The following TBC1D30 variants were observed in gnomAD, a reference collection of about 807,000 sequenced individuals.
TBC1D30 encodes the protein TBC1 domain family member 30, also known as TBC1 domain family, member 30.
TBC1D30 carries 31 observed loss-of-function variants against 63.2 expected under a neutral mutation model. That is an observed-to-expected ratio of 0.49 (90% CI 0.37 to 0.66). The LOEUF is 0.66. Ranked by LOEUF, TBC1D30 falls within the 30% of genes least tolerant of loss-of-function variation. TBC1D30 has a pLI of 0.00. For missense variants in TBC1D30, 810 were observed against 953.6 expected (o/e 0.85, Z 1.98); for synonymous variants, 307 against 361.5 (o/e 0.85, Z 1.71).
intron 2 of TBC1D30, among the ~76,000 whole-genome samples, chr12:64,792,135 TAAAC>T (rs1226060375): frequency 6.6e-6 from 1 of 152,190 alleles, no homozygotes; most frequent in Non-Finnish European, 1.5e-5. Context: ...GAATGTATCA[TAAAC>T]AAGAGAATGT....
At position 64,865,948 on chromosome 12, in the gene TBC1D30, C is replaced by T. The variant is rs150301232; in HGVS notation, c.1152-816C>T. On this transcript the variant is annotated intron_variant, in intron 9 of 11. Coordinates refer to ENST00000539867, the MANE Select transcript of TBC1D30 (RefSeq NM_015279.2). ...GCAGTGGTACAATCATGGCATACTG[C>T]GGCCTTAACCTTCCAGGCTCAAGTG... is the stretch of plus-strand genomic sequence containing the variant. Among the ~76,000 whole-genome samples, 222 of 152,272 alleles carry T rather than the reference C, an allele frequency of 1.5e-3. 6 individuals are homozygous for T. The highest frequency in any genetic ancestry group is 1.5e-3 in the South Asian group (7 of 4,826).
chr12:64,845,241 G>A (rs1876258799), intron 8 of TBC1D30, among the ~76,000 whole-genome samples: 1 of 152,082 alleles, frequency 6.6e-6, no homozygotes, highest in Admixed American at 6.5e-5. Context: ...CACCAACAGT[G>A]TACAAGGGTT....
chr12:64,826,492 C>T (rs904672268), intron 1 of TBC1D30, among the ~76,000 whole-genome samples: 1 of 152,116 alleles, frequency 6.6e-6, no homozygotes, highest in Non-Finnish European at 1.5e-5. Context: ...CATGATTATA[C>T]GCTCCTCCAT....
chr12:64,859,137 C>T (rs192494579), intron 8 of TBC1D30, among the ~76,000 whole-genome samples: 21 of 150,798 alleles, frequency 1.4e-4, no homozygotes, highest in African/African-American at 4.9e-4. Context: ...GTTGTGTGTG[C>T]GTTTGTGTGT....
chr12:64,839,340 C>T (rs1875639221), intron 7 of TBC1D30, among the ~76,000 whole-genome samples: 1 of 152,180 alleles, frequency 6.6e-6, no homozygotes, highest in South Asian at 2.1e-4. Context: ...AATTAATTCT[C>T]TGTTGGAATC....
chr12:64,821,823 T>G (rs1470512984), upstream of TBC1D30, among the ~76,000 whole-genome samples: 3 of 152,216 alleles, frequency 2.0e-5, no homozygotes, highest in South Asian at 6.2e-4. Flanking sequence ...GTACCGGAGC[T>G]CGCAGCAAAA....
In TBC1D30 at chr12:64,879,222, C is replaced by T. The variant is rs1320214998; in HGVS notation, c.*3434C>T. ...TTATCTACAAAAAAGTTATGTTGAACATGGTAGTTTAAGCTGTCTTTCTGG... is the reference window on the plus strand; with the variant it reads ...TTATCTACAAAAAAGTTATGTTGAATATGGTAGTTTAAGCTGTCTTTCTGG... On this transcript the variant is annotated 3_prime_UTR_variant, in exon 12 of 12. Transcript: ENST00000539867. The T allele has an allele frequency of 6.6e-6, 1 of 152,172 alleles. No individual in the cohort carries two copies. Among genetic ancestry groups the T allele is most frequent in the Non-Finnish European group, 1.5e-5 (1 of 68,022 alleles). 9.4% of individuals were successfully genotyped at this position (152,172 alleles called of 1,614,324 possible).
rs1870908766 is a variant in TBC1D30 at position 64,771,622 on chromosome 12, G to C, written c.-376+11973G>C. 2.0e-5 allele frequency among the ~76,000 whole-genome samples: 3 copies of C among 152,300 alleles called. No individual in the cohort carries two copies. The South Asian group carries it at 6.2e-4, about 32-fold the overall frequency. On this transcript the variant is annotated intron_variant, in intron 1 of 13. Transcript: ENST00000674237. ...TCACGTCCAAGGGCCTGTATGACCA[G>C]CTGAAGGAGGAGGAAAAAGCCCCAA...
chr12:64,797,204 T>C (rs1872332049), intron 2 of TBC1D30, among the ~76,000 whole-genome samples: 1 of 152,198 alleles, frequency 6.6e-6, no homozygotes, highest in African/African-American at 2.4e-5. Flanking sequence ...CTCCCTGGGC[T>C]ATTCTAATGT....
chr12:64,856,070 G>T (rs1474306022), intron 8 of TBC1D30, among the ~76,000 whole-genome samples: 2 of 151,854 alleles, frequency 1.3e-5, no homozygotes, highest in African/African-American at 4.8e-5. Flanking sequence ...CATCTGCTTG[G>T]CTTCTGTGGA....
intron 8 of TBC1D30, among the ~76,000 whole-genome samples, chr12:64,845,172 A>G (rs1876253224): frequency 6.6e-6 from 1 of 152,036 alleles, no homozygotes; most frequent in African/African-American, 2.4e-5. Context: ...CTCTAATTTT[A>G]GTTTTTTTTG....
chr12:64,858,128 T>C (rs1877468039), intron 8 of TBC1D30, among the ~76,000 whole-genome samples: 1 of 152,224 alleles, frequency 6.6e-6, no homozygotes, highest in Non-Finnish European at 1.5e-5. Flanking sequence ...TTGTTAAAAT[T>C]TGGTGTTGCA....
At chr12:64,795,116 C>T (rs1415961807) in intron 2 of TBC1D30, among the ~76,000 whole-genome samples, 1 of 152,144 alleles carries the variant, frequency 6.6e-6, no homozygotes, top group African/African-American at 2.4e-5. Context: ...GGCTCCCTGG[C>T]AGGGCTTATT....
chr12:64,855,719 C>T (rs12310247), intron 8 of TBC1D30, among the ~76,000 whole-genome samples: 5,462 of 152,208 alleles, frequency 0.036, 325 homozygotes, highest in African/African-American at 0.12. Context: ...TGAATTCCTT[C>T]TCTGTGTTAT....
At chr12:64,765,490 C>CAAAAAAAAAAAAAAAAAAAAAA (rs60489979) in intron 1 of TBC1D30, among the ~76,000 whole-genome samples, 1 of 17,600 alleles carries the variant, frequency 5.7e-5, no homozygotes, top group African/African-American at 1.5e-4. Flanking sequence ...AGACTGTCTC[C>CAAAAAAAAAAAAAAAAAAAAAA]AAAAAAAAAA....
At chr12:64,866,033 A>C (rs1018308703) in intron 9 of TBC1D30, among the ~76,000 whole-genome samples, 1 of 152,094 alleles carries the variant, frequency 6.6e-6, no homozygotes, top group Non-Finnish European at 1.5e-5. Context: ...CCGTGCCTGG[A>C]TAATTTTTAA....
intron 6 of TBC1D30, 78 bp downstream of exon 6, chr12:64,836,736 AT>A (rs1875396435): frequency 7.8e-7 from 1 of 1,287,254 alleles, no homozygotes; most frequent in Middle Eastern, 2.7e-4. Context: ...TAAACATTGA[AT>A]GGAAATATGT....
chr12:64,785,147 CT>C (rs3033154), intron 1 of TBC1D30, among the ~76,000 whole-genome samples: 78,430 of 134,716 alleles, frequency 0.58, 20,908 homozygotes, highest in East Asian at 0.77. Context: ...ACTTTAAAGA[CT>C]TTTTTTTTTT....
At chr12:64,776,374 G>A (rs147639088), upstream of TBC1D30, among the ~76,000 whole-genome samples, 1 of 151,990 alleles carries the variant, frequency 6.6e-6, no homozygotes, top group African/African-American at 2.4e-5. Context: ...GTAGACTAAC[G>A]AAGAAAACAG....
Sources: allele counts gnomAD v4.1 joint callset (sites outside exome capture counted in the v4.1 genomes callset), GRCh38; gene constraint gnomAD v4.1.1; transcripts MANE v1.5; gene names NCBI Gene and HGNC (gene_info 2026-07-23, HGNC 2026-07-21).